Variants in PIGN observed in about 807,000 individuals in gnomAD.
The protein encoded by PIGN is GPI ethanolamine phosphate transferase 1.
Under a neutral mutation model 125.4 loss-of-function variants are expected in PIGN, and 117 were observed. The ratio of observed to expected loss-of-function variants is 0.93; its 90% CI spans 0.80 to 1.09. The LOEUF (loss-of-function observed/expected upper bound fraction) is 1.09, where lower values mean the gene tolerates loss of function less well. Ranked by LOEUF, PIGN falls within the 50% of genes least tolerant of loss-of-function variation. PIGN has a pLI of 0.00. For synonymous variants in PIGN, 392 were observed against 377.8 expected (o/e 1.04, Z -0.44); for missense variants, 1,075 against 1,094.9 (o/e 0.98, Z 0.26).
chr18:62,077,872 T>G (rs4941106), intron 28 of PIGN, among the ~76,000 whole-genome samples: 45,088 of 152,126 alleles, frequency 0.3, 7,927 homozygotes, highest in East Asian at 0.58. Context: ...CAAGATCGTG[T>G]GTGAGCAGCA....
At chr18:62,104,070 G>A (rs527831174) in intron 20 of PIGN, among the ~76,000 whole-genome samples, 1 of 152,242 alleles carries the variant, frequency 6.6e-6, no homozygotes, top group South Asian at 2.1e-4. Flanking sequence ...GAAGGGAGAT[G>A]CTGTGACAGA....
At chr18:62,105,065 G>A (rs1016281189) in intron 20 of PIGN, 2 of 152,190 alleles carry the variant, frequency 1.3e-5, no homozygotes, top group Admixed American at 6.6e-5. Context: ...AGCTGGCAAG[G>A]TGAATAGAGT....
intron 14 of PIGN, among the ~76,000 whole-genome samples, chr18:62,135,314 T>G (rs1249101887): frequency 6.6e-6 from 1 of 152,158 alleles, no homozygotes; most frequent in Non-Finnish European, 1.5e-5. Flanking sequence ...CTTAGATTTT[T>G]TTGACCATAT....
chr18:62,171,704 A>G (rs549755681), intron 1 of PIGN, among the ~76,000 whole-genome samples: 27 of 152,232 alleles, frequency 1.8e-4, no homozygotes, highest in African/African-American at 5.5e-4. Flanking sequence ...GATAATTATG[A>G]TCATCTGATT....
At position 62,044,112 on chromosome 18, in the gene PIGN, C is replaced by G. The variant is rs1336047447; in HGVS notation, c.*1744G>C. The G allele has an allele frequency of 6.6e-6, 1 of 152,056 alleles. No individual in the cohort carries two copies. The highest frequency in any genetic ancestry group is 2.4e-5 in the African/African-American group (1 of 41,362). The allele number at this position is 152,056 out of a possible 1,614,324, so 9.4% of individuals were successfully genotyped here. ...AACTCCACAAACTCTATGATACTGT[C>G]AGAAGGAAGTTCAACCTATTCTACA... On this transcript the variant is annotated 3_prime_UTR_variant, in exon 31 of 31. Transcript: ENST00000640252.
intron 23 of PIGN, among the ~76,000 whole-genome samples, chr18:62,031,190 C>T (rs1329930706): frequency 6.6e-6 from 1 of 152,134 alleles, no homozygotes; most frequent in Non-Finnish European, 1.5e-5. Flanking sequence ...TTATAAATGG[C>T]AGTTTCCCTG....
chr18:62,023,569 T>A (rs1164531738), intron 23 of PIGN, among the ~76,000 whole-genome samples: 1 of 152,250 alleles, frequency 6.6e-6, no homozygotes, highest in Non-Finnish European at 1.5e-5. Flanking sequence ...CAATGGTGGC[T>A]GTATCAACAG....
rs540011685 is a variant in PIGN at position 62,118,086 on chromosome 18, G to A, written c.1173-3447C>T. Among the ~76,000 whole-genome samples the A allele has an allele frequency of 3.3e-5, 5 of 151,800 alleles. No individual in the cohort carries two copies. The South Asian group carries it at 1.0e-3, about 32-fold the overall frequency. ...TCAATATATTGATTTCCTTTCTTTT[G>A]GATATTATTGGATATTATTTAGATT... On this transcript the variant is annotated intron_variant, in intron 14 of 30. Coordinates refer to ENST00000640252, the MANE Select transcript of PIGN (RefSeq NM_176787.5).
chr18:62,051,674 T>G (rs2031304407), intron 30 of PIGN: 1 of 152,204 alleles, frequency 6.6e-6, no homozygotes, highest in Non-Finnish European at 1.5e-5. Context: ...CTTAATTTTT[T>G]GAAGGGTTTT....
intron 30 of PIGN, among the ~76,000 whole-genome samples, chr18:62,070,894 C>T (rs184488911): frequency 1.8e-4 from 28 of 152,180 alleles, no homozygotes; most frequent in Non-Finnish European, 3.1e-4. Flanking sequence ...CTCTTTTGAC[C>T]TCCCAGGCTC....
At chr18:62,046,705 AT>A (rs745708004) in intron 30 of PIGN, among the ~76,000 whole-genome samples, 1 of 152,080 alleles carries the variant, frequency 6.6e-6, no homozygotes, top group Non-Finnish European at 1.5e-5. Flanking sequence ...CATGTAAATA[AT>A]TGTTACACTA....
At chr18:62,087,050 G>C in intron 25 of PIGN, among the ~76,000 whole-genome samples, 1 of 152,082 alleles carries the variant, frequency 6.6e-6, no homozygotes, top group East Asian at 1.9e-4. Flanking sequence ...TGTGGTCCTC[G>C]AGGTCACGAA....
Position 62,114,550 on chromosome 18 carries a change from G to T in PIGN, c.1251+11C>A. 1 of 1,450,744 alleles carries T rather than the reference G, an allele frequency of 6.9e-7. No homozygotes were observed. The highest frequency in any genetic ancestry group is 9.5e-7 in the Non-Finnish European group (1 of 1,055,254). 89.9% of individuals were successfully genotyped at this position (1,450,744 alleles called of 1,614,324 possible). ...ATCAGCTATTTATGTCTATAAGGCC[G>T]GTATACTTACCACTTCATCAAACTT... is the stretch of plus-strand genomic sequence containing the variant. On this transcript the variant is annotated intron_variant, in intron 15 of 30. Transcript: ENST00000640252.
intron 30 of PIGN, among the ~76,000 whole-genome samples, chr18:62,061,334 T>A (rs1338131724): frequency 6.6e-6 from 1 of 151,732 alleles, no homozygotes; most frequent in African/African-American, 2.4e-5. Flanking sequence ...TACAGATACA[T>A]GCCAGACTAC....
At chr18:62,141,117 C>A (rs2036119550) in intron 11 of PIGN, among the ~76,000 whole-genome samples, 1 of 152,284 alleles carries the variant, frequency 6.6e-6, no homozygotes, top group South Asian at 2.1e-4. Flanking sequence ...GCTAACAACC[C>A]CATTTTCTAA....
intron 7 of PIGN, among the ~76,000 whole-genome samples, chr18:62,152,008 G>A (rs1223403592): frequency 6.6e-6 from 1 of 152,118 alleles, no homozygotes; most frequent in Non-Finnish European, 1.5e-5. Context: ...AAGGTGGTCG[G>A]GGTGCAGCCT....
chr18:62,047,430 C>A (rs1187556799), intron 30 of PIGN, among the ~76,000 whole-genome samples: 1 of 152,186 alleles, frequency 6.6e-6, no homozygotes, highest in African/African-American at 2.4e-5. Flanking sequence ...TAGTGGAGAG[C>A]CAGGAATTCC....
chr18:62,103,975 T>C (rs2034544249), intron 20 of PIGN, among the ~76,000 whole-genome samples: 1 of 152,180 alleles, frequency 6.6e-6, no homozygotes, highest in Non-Finnish European at 1.5e-5. Context: ...GTAACAGACA[T>C]CACAACCATG....
Position 62,057,281 on chromosome 18 carries a change from C to T in PIGN, c.2673-11302G>A, listed in dbSNP as rs2031799527. 4.0e-5 allele frequency among the ~76,000 whole-genome samples: 6 copies of T among 148,252 alleles called. No individual in the cohort carries two copies. The South Asian group carries it at 1.3e-3, about 31-fold the overall frequency. The stretch of plus-strand genomic sequence containing the variant: ...GCAAAACCCAGATCTTAATCTCCCA[C>T]ACCTTCCTTCACCAAACTCACTCCT... On this transcript the variant is annotated intron_variant, in intron 30 of 30. Transcript: ENST00000640252.
Sources: gnomAD v4.1 joint callset for allele counts (sites outside exome capture counted in the v4.1 genomes callset) on GRCh38, gnomAD v4.1.1 for gene constraint, MANE v1.5 for transcripts, NCBI Gene and HGNC (gene_info 2026-07-23, HGNC 2026-07-21) for gene names.